Variants in DYNC2LI1 observed in about 807,000 individuals in gnomAD.
The protein encoded by DYNC2LI1 is dynein cytoplasmic 2 light intermediate chain 1, also known as cytoplasmic dynein 2 light intermediate chain 1.
A neutral mutation model predicts 51.9 loss-of-function variants in DYNC2LI1; 45 were observed. That is an observed-to-expected ratio of 0.87 (90% CI 0.68 to 1.11). The LOEUF (loss-of-function observed/expected upper bound fraction) is 1.11. DYNC2LI1 is among the 50% of genes most tolerant of loss of function. The probability of loss-of-function intolerance (pLI) is 0.00; values close to 1 mark genes in which losing one functional copy is unlikely to be tolerated. For missense variants in DYNC2LI1, 490 were observed against 417.4 expected, an observed-to-expected ratio of 1.17 and a Z score of -1.51; for synonymous variants, 130 against 137.8, an observed-to-expected ratio of 0.94 and a Z score of 0.40.
the DYNC2LI1 span, among the ~76,000 whole-genome samples, chr2:43,827,468 G>C: frequency 1.3e-5 from 2 of 152,168 alleles, no homozygotes; most frequent in South Asian, 2.1e-4. Flanking sequence ...GTCCTCTCCA[G>C]CTGCATGAGT....
At chr2:43,808,682 T>C (rs560794769) in intron 12 of DYNC2LI1, among the ~76,000 whole-genome samples, 1 of 152,326 alleles carries the variant, frequency 6.6e-6, no homozygotes, top group Non-Finnish European at 1.5e-5. Context: ...GATAGATGTA[T>C]ATAAAATAGA....
chr2:43,777,407 T>C (rs1191343894), intron 2 of DYNC2LI1, among the ~76,000 whole-genome samples: 1 of 152,186 alleles, frequency 6.6e-6, no homozygotes, highest in Non-Finnish European at 1.5e-5. Flanking sequence ...CTGTTTTACT[T>C]GGCCAAGCAT....
intron 3 of DYNC2LI1, among the ~76,000 whole-genome samples, chr2:43,786,309 C>G (rs1390992985): frequency 2.6e-5 from 4 of 152,102 alleles, no homozygotes; most frequent in Admixed American, 2.6e-4. Flanking sequence ...AGTGATTCTC[C>G]CACCTCAGCC....
chr2:43,793,600 CT>C (rs368339767), intron 5 of DYNC2LI1: 2,870 of 141,496 alleles, frequency 0.02, 25 homozygotes, highest in Non-Finnish European at 0.026. Context: ...CTTTTGCCTT[CT>C]TTTTTTTTTT....
At chr2:43,786,940 C>G (rs1673549651) in intron 3 of DYNC2LI1, among the ~76,000 whole-genome samples, 1 of 152,228 alleles carries the variant, frequency 6.6e-6, no homozygotes, top group South Asian at 2.1e-4. Context: ...TCAACACATT[C>G]TCTACTTTGC....
intron 12 of DYNC2LI1, among the ~76,000 whole-genome samples, chr2:43,805,713 C>T (rs1477204522): frequency 6.6e-6 from 1 of 152,116 alleles, no homozygotes; most frequent in Non-Finnish European, 1.5e-5. Flanking sequence ...TCTGAAAGCA[C>T]ACAGACATAC....
intron 1 of DYNC2LI1, 138 bp downstream of exon 1, chr2:43,774,284 A>T: frequency 8.6e-7 from 1 of 1,159,294 alleles, no homozygotes; most frequent in Non-Finnish European, 1.2e-6. Flanking sequence ...GGGACCTAGG[A>T]ATCAGCCTTG....
At chr2:43,784,881 G>A (rs1021217020) in intron 3 of DYNC2LI1, among the ~76,000 whole-genome samples, 2 of 152,082 alleles carry the variant, frequency 1.3e-5, no homozygotes, top group African/African-American at 2.4e-5. Context: ...ACATATAACC[G>A]AATATTACTC....
chr2:43,780,880 C>T (rs1673249788), intron 2 of DYNC2LI1, among the ~76,000 whole-genome samples: 1 of 151,962 alleles, frequency 6.6e-6, no homozygotes, highest in Non-Finnish European at 1.5e-5. Context: ...TGTACTAGGT[C>T]AATGTTTCTT....
intron 1 of DYNC2LI1, among the ~76,000 whole-genome samples, chr2:43,775,496 A>T (rs1243518440): frequency 8.8e-5 from 13 of 148,366 alleles, no homozygotes; most frequent in Admixed American, 5.4e-4. Flanking sequence ...TTCTTTCTTT[A>T]TGGTTTTTTT....
chr2:43,778,949 T>C (rs1291975669), intron 2 of DYNC2LI1, among the ~76,000 whole-genome samples: 1 of 152,182 alleles, frequency 6.6e-6, no homozygotes, highest in Non-Finnish European at 1.5e-5. Context: ...TTTGAGGGTA[T>C]TATTCTTTAA....
chr2:43,785,936 C>T (rs757115237), intron 3 of DYNC2LI1, among the ~76,000 whole-genome samples: 23 of 151,842 alleles, frequency 1.5e-4, no homozygotes, highest in Non-Finnish European at 2.9e-4. Flanking sequence ...GAATTGTACA[C>T]TTAAAAATAG....
the DYNC2LI1 span, chr2:43,824,222 AG>A: frequency 6.2e-7 from 1 of 1,614,242 alleles, no homozygotes; most frequent in Non-Finnish European, 8.5e-7. Flanking sequence ...CTCTTACCTC[AG>A]GAGAACACCC....
In DYNC2LI1 at chr2:43,787,279, T is replaced by C. The variant is rs1288748432; in HGVS notation, c.231+29T>C. The C allele has an allele frequency of 1.9e-6, 3 of 1,546,076 alleles. No individual in the cohort carries two copies. In the Admixed American group the frequency reaches 5.1e-5, roughly 26 times the overall value. ...AGTGTCTTTTAAAGTGACATTGCTA[T>C]GCCCATAGATGGGAAAGTAATGCTG... On this transcript the variant is annotated intron_variant, in intron 4 of 12. Transcript: ENST00000260605.
At chr2:43,781,817 T>C (rs1376003121) in intron 2 of DYNC2LI1, 1 of 152,076 alleles carries the variant, frequency 6.6e-6, no homozygotes, top group Non-Finnish European at 1.5e-5. Context: ...TTAGCCAGGA[T>C]GGTCTTGATA....
chr2:43,792,179 CATAAAT>C lies in DYNC2LI1; in HGVS notation c.321-2273_321-2268del, dbSNP rs558914611. ...ACTGCTTATGAGCTTATTAAAATGA[CATAAAT>C]ATAATTGCCTAGACAATGTAATAGC... On this transcript the variant is annotated intron_variant, in intron 5 of 12. Transcript: ENST00000260605. 3.1e-3 allele frequency among the ~76,000 whole-genome samples: 464 copies of C among 152,110 alleles called. 1 individual carries two copies. Among genetic ancestry groups the C allele is most frequent in the South Asian group, 6.0e-3 (29 of 4,810 alleles).
chr2:43,826,432 T>A, the DYNC2LI1 span: 1 of 1,614,086 alleles, frequency 6.2e-7, no homozygotes, highest in Middle Eastern at 1.7e-4. Flanking sequence ...ACAATTCGGT[T>A]CCTGCGAGCC....
intron 4 of DYNC2LI1, among the ~76,000 whole-genome samples, chr2:43,788,042 A>G (rs1673604621): frequency 6.6e-6 from 1 of 152,194 alleles, no homozygotes; most frequent in Non-Finnish European, 1.5e-5. Context: ...ATATATAGAG[A>G]TACAGGAGAA....
At chr2:43,774,502 G>A (rs573172276) in intron 1 of DYNC2LI1, among the ~76,000 whole-genome samples, 1 of 152,296 alleles carries the variant, frequency 6.6e-6, no homozygotes, top group East Asian at 1.9e-4. Context: ...TGGTGCGGGG[G>A]TTCGCAGTAA....
Sources: gnomAD v4.1 joint callset for allele counts (sites outside exome capture counted in the v4.1 genomes callset) on GRCh38, gnomAD v4.1.1 for gene constraint, MANE v1.5 for transcripts, NCBI Gene and HGNC (gene_info 2026-07-23, HGNC 2026-07-21) for gene names.